The following GRID2 variants were observed in gnomAD, a reference collection of about 807,000 sequenced individuals.
The protein encoded by GRID2 is glutamate receptor ionotropic, delta-2.
GRID2 carries 33 observed loss-of-function variants against 114.8 expected under a neutral mutation model. The observed-to-expected ratio is 0.29, with a 90% CI of 0.22 to 0.38. The LOEUF is 0.38. Among genes scored for constraint, GRID2 ranks in the 10% least tolerant of loss-of-function variants. GRID2 has a pLI of 1.00. For missense variants in GRID2, 1,184 were observed against 1,257.7 expected (o/e 0.94, Z 0.89); for synonymous variants, 505 against 449.9 (o/e 1.12, Z -1.55).
At position 93,644,032 on chromosome 4, in the gene GRID2, C is replaced by T. The variant is rs1301087102; in HGVS notation, c.2360+17597C>T. Among the ~76,000 whole-genome samples the T allele has an allele frequency of 2.4e-5, 2 of 82,786 alleles. 1 individual carries two copies. Among genetic ancestry groups the T allele is most frequent in the Non-Finnish European group, 4.7e-5 (2 of 42,598 alleles). 54.3% of individuals were successfully genotyped at this position (82,786 alleles called of 152,430 possible). A position where few individuals can be genotyped will look rare whatever the true frequency, so the allele number is the denominator to read the frequency against. On this transcript the variant is annotated intron_variant, in intron 14 of 15. Transcript: ENST00000282020. ...GTCTCGTGGTGCGCCGTTTCTTAAGCCGGTCTGAAAAGCGCAATATTCGGG... is the reference window on the plus strand; with the variant it reads ...GTCTCGTGGTGCGCCGTTTCTTAAGTCGGTCTGAAAAGCGCAATATTCGGG...
chr4:93,132,669 A>G (rs1286188629), intron 4 of GRID2, among the ~76,000 whole-genome samples: 3 of 152,162 alleles, frequency 2.0e-5, no homozygotes, highest in African/African-American at 7.2e-5. Context: ...AAAAGATGAA[A>G]GGCTAAAATG....
intron 1 of GRID2, among the ~76,000 whole-genome samples, chr4:92,543,403 T>C (rs1339467178): frequency 4.6e-5 from 7 of 152,174 alleles, no homozygotes; most frequent in Admixed American, 3.3e-4. Flanking sequence ...TGCTAAGTTC[T>C]ATAAAAATTT....
At chr4:92,613,095 C>G (rs1454493842) in intron 2 of GRID2, among the ~76,000 whole-genome samples, 1 of 151,234 alleles carries the variant, frequency 6.6e-6, no homozygotes, top group Non-Finnish European at 1.5e-5. Flanking sequence ...GAAGAAATTT[C>G]CTAATACTCA....
At chr4:93,128,291 GAGA>G (rs899982742) in intron 4 of GRID2, among the ~76,000 whole-genome samples, 3 of 151,986 alleles carry the variant, frequency 2.0e-5, no homozygotes, top group Non-Finnish European at 1.5e-5. Context: ...CTTAAGCATA[GAGA>G]AGAACAGAAC....
intron 13 of GRID2, among the ~76,000 whole-genome samples, chr4:93,585,587 A>C (rs1737455205): frequency 6.6e-6 from 1 of 152,098 alleles, no homozygotes; most frequent in African/African-American, 2.4e-5. Flanking sequence ...GTCCTCATAA[A>C]ATTTGTGCAA....
chr4:92,893,394 GGT>G (rs1746934344), intron 2 of GRID2, among the ~76,000 whole-genome samples: 1 of 152,142 alleles, frequency 6.6e-6, no homozygotes, highest in Non-Finnish European at 1.5e-5. Flanking sequence ...CCAGGGGCAT[GGT>G]GGGGAAATAG....
chr4:93,758,141 A>G (rs1417140708), intron 14 of GRID2, among the ~76,000 whole-genome samples: 1 of 152,228 alleles, frequency 6.6e-6, no homozygotes, highest in East Asian at 1.9e-4. Flanking sequence ...TACTAAAAAA[A>G]GAAAATTGAA....
chr4:93,107,559 G>A (rs1417200686), intron 3 of GRID2, among the ~76,000 whole-genome samples: 1 of 151,790 alleles, frequency 6.6e-6, no homozygotes, highest in Non-Finnish European at 1.5e-5. Flanking sequence ...TTTTTTTTGA[G>A]GGGGCATCTC....
intron 4 of GRID2, among the ~76,000 whole-genome samples, chr4:93,142,449 G>A (rs1271058186): frequency 6.6e-6 from 1 of 152,062 alleles, no homozygotes; most frequent in Non-Finnish European, 1.5e-5. Flanking sequence ...ATGGCAGACG[G>A]GGTGAACAAG....
At chr4:92,733,533 T>G (rs1736434550) in intron 2 of GRID2, among the ~76,000 whole-genome samples, 1 of 152,094 alleles carries the variant, frequency 6.6e-6, no homozygotes. Flanking sequence ...GATAGCCATT[T>G]TAGGAAGCCT....
rs192810581 is a variant in GRID2, at chr4:92,825,044, A to T, written c.244+234758A>T. 7.2e-5 allele frequency among the ~76,000 whole-genome samples: 11 copies of T among 152,100 alleles called. No individual in the cohort carries two copies. The South Asian group carries it at 1.0e-3, about 14-fold the overall frequency. On this transcript the variant is annotated intron_variant, in intron 2 of 15. Coordinates refer to ENST00000282020, the MANE Select transcript of GRID2 (RefSeq NM_001510.4). The stretch of plus-strand genomic sequence containing the variant: ...TAAAGTATAATTAAAAATACATAAA[A>T]TTTTTTTTAAAAGTACTAACATATA...
rs546662025 is a variant in GRID2, at chr4:93,644,250, G to A, written c.2360+17815G>A. Among the ~76,000 whole-genome samples the A allele has an allele frequency of 1.8e-5, 2 of 108,918 alleles. 1 individual carries two copies. The highest frequency in any genetic ancestry group is 3.7e-5 in the Non-Finnish European group (2 of 53,980). 71.5% of individuals were successfully genotyped at this position (108,918 alleles called of 152,430 possible). A position where few individuals can be genotyped will look rare whatever the true frequency, so the allele number is the denominator to read the frequency against. On this transcript the variant is annotated intron_variant, in intron 14 of 15. Transcript: ENST00000282020. Reference sequence around the variant, plus strand: ...TGAGATGAACCCGGTACCTCAGATGGAAATGCAGAAATCACCGTCTTCTGC... The same window carrying A: ...TGAGATGAACCCGGTACCTCAGATGAAAATGCAGAAATCACCGTCTTCTGC...
At chr4:92,435,673 A>G (rs1440790012) in intron 1 of GRID2, among the ~76,000 whole-genome samples, 1 of 152,176 alleles carries the variant, frequency 6.6e-6, no homozygotes, top group African/African-American at 2.4e-5. Flanking sequence ...TATAAAATGT[A>G]CTTTAGGTTT....
chr4:93,050,169 G>GTA (rs1553973521), intron 2 of GRID2, among the ~76,000 whole-genome samples: 1 of 152,050 alleles, frequency 6.6e-6, no homozygotes, highest in Non-Finnish European at 1.5e-5. Context: ...AGCTAACAAT[G>GTA]TATAGCCCTG....
chr4:93,047,331 A>C (rs1726243729), intron 2 of GRID2, among the ~76,000 whole-genome samples: 1 of 152,130 alleles, frequency 6.6e-6, no homozygotes, highest in Admixed American at 6.6e-5. Flanking sequence ...AACTTTAGTT[A>C]ACAATAATGT....
At chr4:93,539,738 T>C (rs558163417) in intron 13 of GRID2, among the ~76,000 whole-genome samples, 2 of 152,212 alleles carry the variant, frequency 1.3e-5, no homozygotes, top group South Asian at 4.1e-4. Context: ...CTTCAGAAGT[T>C]TGAATGCATT....
chr4:92,945,473 A>G (rs1207565547), intron 2 of GRID2, among the ~76,000 whole-genome samples: 6 of 152,262 alleles, frequency 3.9e-5, no homozygotes, highest in Middle Eastern at 3.4e-3. Flanking sequence ...GTTTTTTACA[A>G]CATACTATTC....
At chr4:92,468,735 A>C (rs1279081116) in intron 1 of GRID2, among the ~76,000 whole-genome samples, 2 of 152,226 alleles carry the variant, frequency 1.3e-5, no homozygotes, top group East Asian at 3.9e-4. Context: ...ATTATGTCTG[A>C]GTTTCATTGT....
At chr4:93,104,917 C>G (rs1311168539) in intron 3 of GRID2, among the ~76,000 whole-genome samples, 1 of 151,856 alleles carries the variant, frequency 6.6e-6, no homozygotes, top group Non-Finnish European at 1.5e-5. Flanking sequence ...AGTTTACAGT[C>G]CCACCAACAG....
Sources: gnomAD v4.1 joint callset for allele counts (sites outside exome capture counted in the v4.1 genomes callset) on GRCh38, gnomAD v4.1.1 for gene constraint, MANE v1.5 for transcripts, NCBI Gene and HGNC (gene_info 2026-07-23, HGNC 2026-07-21) for gene names.